The following DLC1 variants were observed in gnomAD, a reference collection of about 807,000 sequenced individuals.
DLC1 encodes the protein rho GTPase-activating protein 7.
In DLC1, 54 loss-of-function variants were observed where a neutral mutation model predicts 140.3. The ratio of observed to expected loss-of-function variants is 0.38; its 90% CI spans 0.31 to 0.48. The LOEUF is 0.48. DLC1 is among the 20% of genes least tolerant of loss of function. The probability of loss-of-function intolerance (pLI) is 0.96; values close to 1 mark genes in which losing one functional copy is unlikely to be tolerated. For synonymous variants in DLC1, 986 were observed against 728.1 expected (o/e 1.35, Z -5.70); for missense variants, 2,536 against 1,907.0 (o/e 1.33, Z -6.14).
chr8:13,363,392 T>C (rs1195476577), intron 4 of DLC1, among the ~76,000 whole-genome samples: 1 of 149,780 alleles, frequency 6.7e-6, no homozygotes, highest in Admixed American at 6.7e-5. Context: ...TTTTTTAAAC[T>C]TTATGGTGTC....
chr8:13,314,200 CATATA>C (rs1426357143), intron 4 of DLC1, among the ~76,000 whole-genome samples: 2 of 147,884 alleles, frequency 1.4e-5, no homozygotes, highest in African/African-American at 5.0e-5. Context: ...TATAATTATA[CATATA>C]ATATATAGAC....
intron 5 of DLC1, among the ~76,000 whole-genome samples, chr8:13,209,148 C>T (rs1827814975): frequency 6.6e-6 from 1 of 152,060 alleles, no homozygotes; most frequent in Admixed American, 6.6e-5. Context: ...GCTTTTTCAC[C>T]AAGGCTACAG....
chr8:13,437,521 T>C (rs1409055488), intron 2 of DLC1, among the ~76,000 whole-genome samples: 1 of 152,234 alleles, frequency 6.6e-6, no homozygotes, highest in Non-Finnish European at 1.5e-5. Flanking sequence ...TTTCTCCTGA[T>C]TAATTCTATG....
chr8:13,114,387 A>G (rs2128949648), intron 6 of DLC1, among the ~76,000 whole-genome samples: 1 of 152,314 alleles, frequency 6.6e-6, no homozygotes, highest in Non-Finnish European at 1.5e-5. Flanking sequence ...ATAAATGAAC[A>G]GCCTATTTAT....
At chr8:13,494,465 T>C (rs1585201815) in intron 2 of DLC1, among the ~76,000 whole-genome samples, 1 of 152,110 alleles carries the variant, frequency 6.6e-6, no homozygotes, top group East Asian at 1.9e-4. Flanking sequence ...CCTTTTGCCT[T>C]CCCACTGACT....
Position 13,091,245 on chromosome 8 carries a change from A to G in DLC1, c.3855+73T>C, listed in dbSNP as rs1818044118. On this transcript the variant is annotated intron_variant, in intron 14 of 17. Transcript: ENST00000276297. ...AAAGGTCTTCAGGTAAGACATGAAC[A>G]AGGGTCAAGCCTAAGATTTTGTACC... 6 of 1,468,750 alleles carry G rather than the reference A, an allele frequency of 4.1e-6. No homozygotes were observed. The South Asian group carries it at 7.0e-5, about 17-fold the overall frequency. 91.0% of individuals were successfully genotyped at this position (1,468,750 alleles called of 1,614,324 possible).
chr8:13,267,123 C>T (rs985385311), intron 5 of DLC1, among the ~76,000 whole-genome samples: 1 of 152,202 alleles, frequency 6.6e-6, no homozygotes, highest in African/African-American at 2.4e-5. Flanking sequence ...TCCAGTGCAG[C>T]CTGAAATTAC....
At chr8:13,602,680 A>G (rs1044749416) in intron 1 of DLC1, among the ~76,000 whole-genome samples, 1 of 151,894 alleles carries the variant, frequency 6.6e-6, no homozygotes, top group Non-Finnish European at 1.5e-5. Context: ...CAGAATTTTT[A>G]TGTATCTTAA....
At chr8:13,598,822 A>T (rs985888999) in intron 1 of DLC1, among the ~76,000 whole-genome samples, 11 of 152,036 alleles carry the variant, frequency 7.2e-5, no homozygotes, top group African/African-American at 2.7e-4. Flanking sequence ...GCCTCATTCC[A>T]TGAATGAACT....
chr8:13,185,578 G>T (rs550292581), intron 5 of DLC1, among the ~76,000 whole-genome samples: 4 of 151,988 alleles, frequency 2.6e-5, no homozygotes, highest in Non-Finnish European at 5.9e-5. Flanking sequence ...AAGTGCTGGG[G>T]TTACAGGTGT....
At chr8:13,123,160 A>C (rs1821247515) in intron 5 of DLC1, among the ~76,000 whole-genome samples, 1 of 152,182 alleles carries the variant, frequency 6.6e-6, no homozygotes, top group Non-Finnish European at 1.5e-5. Flanking sequence ...GTGTTTGTTA[A>C]GCCCGAAGTG....
chr8:13,546,411 A>T (rs564049269), intron 1 of DLC1, among the ~76,000 whole-genome samples: 1 of 152,288 alleles, frequency 6.6e-6, no homozygotes, highest in Non-Finnish European at 1.5e-5. Flanking sequence ...AAAAAGCCAT[A>T]ACAGGATTGG....
chr8:13,562,923 G>T lies in DLC1; in HGVS notation c.-126+41614C>A, dbSNP rs553577988. On this transcript the variant is annotated intron_variant, in intron 1 of 1. Transcript: ENST00000631382. ...TTTAAGAAAAAAACAAAAAAAAAAC[G>T]CCATAAAGCAATGTGTAGAGTATGT... 3.3e-5 allele frequency among the ~76,000 whole-genome samples: 5 copies of T among 150,818 alleles called. No individual in the cohort carries two copies. In the East Asian group the frequency reaches 9.7e-4, roughly 29 times the overall value.
chr8:13,398,891 G>A (rs970897057), intron 3 of DLC1, among the ~76,000 whole-genome samples: 3 of 152,238 alleles, frequency 2.0e-5, no homozygotes, highest in South Asian at 4.2e-4. Context: ...GTGTGATGCC[G>A]GGACATCTCT....
intron 2 of DLC1, among the ~76,000 whole-genome samples, chr8:13,405,917 T>TTTTCTTTCCTTCTTTC: frequency 1.2e-5 from 1 of 84,944 alleles, no homozygotes; most frequent in South Asian, 4.8e-4. Context: ...CTTTCTTTTC[T>TTTTCTTTCCTTCTTTC]TTTCTTTCTT....
chr8:13,214,614 G>A (rs1828105031), intron 5 of DLC1: 2 of 775,736 alleles, frequency 2.6e-6, no homozygotes, highest in Non-Finnish European at 4.8e-6. Context: ...GTTCTGCCAG[G>A]CACACACCGG....
intron 5 of DLC1, among the ~76,000 whole-genome samples, chr8:13,178,084 A>T (rs1014492098): frequency 6.6e-6 from 1 of 152,180 alleles, no homozygotes; most frequent in Non-Finnish European, 1.5e-5. Flanking sequence ...TCAATCATAT[A>T]TCTGTATAGG....
In DLC1 at chr8:13,142,705, G is replaced by T. The variant is rs1308649527; in HGVS notation, c.1349-27048C>A. ...AGTTTATTTAACTAAAATAGGGAAA[G>T]AAAACTATTCTGAACCCATGTACCC... On this transcript the variant is annotated intron_variant, in intron 5 of 17. Transcript: ENST00000276297. Among the ~76,000 whole-genome samples, 7 of 152,126 alleles carry T rather than the reference G, an allele frequency of 4.6e-5. No individual in the cohort carries two copies. The East Asian group carries it at 1.3e-3, about 29-fold the overall frequency.
intron 1 of DLC1, among the ~76,000 whole-genome samples, chr8:13,556,582 G>A (rs1173321983): frequency 1.3e-5 from 2 of 152,148 alleles, no homozygotes; most frequent in Non-Finnish European, 2.9e-5. Flanking sequence ...ATTCTGGGCA[G>A]AGGTCATAAG....
Sources: allele counts gnomAD v4.1 joint callset (sites outside exome capture counted in the v4.1 genomes callset), GRCh38; gene constraint gnomAD v4.1.1; transcripts MANE v1.5; gene names NCBI Gene and HGNC (gene_info 2026-07-23, HGNC 2026-07-21).